The following FGF14 variants were observed in gnomAD, a reference collection of about 807,000 sequenced individuals.
The protein encoded by FGF14 is fibroblast growth factor 14, also known as fibroblast growth factor homologous factor 4.
Under a neutral mutation model 25.5 loss-of-function variants are expected in FGF14, and 5 were observed. The ratio of observed to expected loss-of-function variants is 0.20; its 90% CI spans 0.10 to 0.41. The LOEUF (loss-of-function observed/expected upper bound fraction) is 0.41, where lower values mean the gene tolerates loss of function less well. FGF14 is among the 10% of genes least tolerant of loss of function. The pLI is 1.00. For missense variants in FGF14, 222 were observed against 320.1 expected (o/e 0.69, Z 2.34); for synonymous variants, 138 against 118.3 (o/e 1.17, Z -1.08).
intron 3 of FGF14, among the ~76,000 whole-genome samples, chr13:101,737,985 G>T (rs945374015): frequency 6.6e-6 from 1 of 152,004 alleles, no homozygotes; most frequent in Non-Finnish European, 1.5e-5. Context: ...TAGAAAAATG[G>T]AGGAAATATA....
At chr13:102,036,014 G>A (rs537963287) in intron 1 of FGF14, among the ~76,000 whole-genome samples, 1 of 152,222 alleles carries the variant, frequency 6.6e-6, no homozygotes, top group South Asian at 2.1e-4. Flanking sequence ...TTTTTAACAG[G>A]AGCAAAAGAG....
Position 102,143,135 on chromosome 13 carries a change from G to T in FGF14, c.208+258336C>A, listed in dbSNP as rs188067124. Reference sequence around the variant, plus strand: ...ATACCCACTTATCCTCCCAGTGATGGTCATGCATGTAGCAATAAGAATCCT... The same window carrying T: ...ATACCCACTTATCCTCCCAGTGATGTTCATGCATGTAGCAATAAGAATCCT... On this transcript the variant is annotated intron_variant, in intron 1 of 4. Transcript: ENST00000376131. Among the ~76,000 whole-genome samples, 16 of 152,254 alleles carry T rather than the reference G, an allele frequency of 1.1e-4. No homozygotes were observed. In the East Asian group the frequency reaches 3.1e-3, roughly 29 times the overall value.
chr13:101,850,940 G>A (rs931848234), intron 3 of FGF14, among the ~76,000 whole-genome samples: 6 of 151,800 alleles, frequency 4.0e-5, no homozygotes, highest in Admixed American at 3.3e-4. Context: ...TATCATTTAT[G>A]AGGGATAGGA....
At chr13:101,761,297 G>GA (rs2038011078) in intron 3 of FGF14, among the ~76,000 whole-genome samples, 1 of 152,156 alleles carries the variant, frequency 6.6e-6, no homozygotes. Flanking sequence ...TAAAAATGAG[G>GA]AAAAATGAGA....
intron 1 of FGF14, among the ~76,000 whole-genome samples, chr13:102,047,393 A>G (rs973969482): frequency 6.6e-6 from 1 of 152,108 alleles, no homozygotes; most frequent in Non-Finnish European, 1.5e-5. Context: ...ATTTAGCTAT[A>G]CCTTTAAAAA....
intron 1 of FGF14, among the ~76,000 whole-genome samples, chr13:102,396,605 G>A (rs1002679912): frequency 3.3e-5 from 5 of 152,220 alleles, no homozygotes; most frequent in Non-Finnish European, 7.3e-5. Flanking sequence ...TAGGAAACGT[G>A]AAGTATAGTA....
At chr13:101,875,410 T>G in intron 1 of FGF14, 114 bp from the exon 2 acceptor site, 1 of 746,686 alleles carries the variant, frequency 1.3e-6, no homozygotes, top group Non-Finnish European at 2.4e-6. Flanking sequence ...AGTAGCATAT[T>G]TTATTTTGTC....
In FGF14 at chr13:102,300,535, A is replaced by G. The variant is rs1357445582; in HGVS notation, c.208+100936T>C. Among the ~76,000 whole-genome samples the G allele has an allele frequency of 2.6e-5, 4 of 152,256 alleles. 1 individual carries two copies. On this transcript the variant is annotated intron_variant, in intron 1 of 4. Transcript: ENST00000376131. ...AGTTGCTCAAGAGCAAAACTTCTACATAATCTTCTATAACCCTTTCTCCCT... is the reference window on the plus strand; with the variant it reads ...AGTTGCTCAAGAGCAAAACTTCTACGTAATCTTCTATAACCCTTTCTCCCT...
At chr13:102,266,875 CAT>C (rs1229445661) in intron 1 of FGF14, among the ~76,000 whole-genome samples, 2 of 151,962 alleles carry the variant, frequency 1.3e-5, no homozygotes, top group African/African-American at 2.4e-5. Context: ...AAGGAATAAA[CAT>C]ATAAACTCAC....
intron 1 of FGF14, among the ~76,000 whole-genome samples, chr13:102,088,883 C>T (rs908188153): frequency 6.6e-6 from 1 of 151,986 alleles, no homozygotes; most frequent in Non-Finnish European, 1.5e-5. Flanking sequence ...TGAAAGTTAC[C>T]GTATAAAGTA....
At chr13:101,763,324 T>C (rs72660326) in intron 3 of FGF14, among the ~76,000 whole-genome samples, 34 of 152,310 alleles carry the variant, frequency 2.2e-4, no homozygotes, top group African/African-American at 7.2e-4. Flanking sequence ...TGGCATAAGA[T>C]TGGTTGTCTC....
intron 1 of FGF14, among the ~76,000 whole-genome samples, chr13:101,990,627 G>C (rs1470350889): frequency 6.6e-6 from 1 of 152,110 alleles, no homozygotes; most frequent in Non-Finnish European, 1.5e-5. Context: ...CACTGCATCA[G>C]TATGGGGCTT....
At chr13:102,081,642 T>C (rs2043628219) in intron 1 of FGF14, among the ~76,000 whole-genome samples, 1 of 152,206 alleles carries the variant, frequency 6.6e-6, no homozygotes, top group South Asian at 2.1e-4. Flanking sequence ...TCCTCTGACA[T>C]TTTACGAGTT....
chr13:101,881,563 A>C (rs1456924688), intron 1 of FGF14, among the ~76,000 whole-genome samples: 12 of 152,212 alleles, frequency 7.9e-5, no homozygotes, highest in African/African-American at 2.7e-4. Context: ...ATTCTTGTGC[A>C]TATTTAAGTA....
chr13:101,794,729 C>A (rs1404981898), intron 3 of FGF14, among the ~76,000 whole-genome samples: 6 of 152,064 alleles, frequency 3.9e-5, no homozygotes, highest in Admixed American at 2.0e-4. Context: ...CCATCTCTAG[C>A]AATTTAATAC....
intron 1 of FGF14, among the ~76,000 whole-genome samples, chr13:102,096,452 T>C (rs901646647): frequency 1.1e-4 from 17 of 152,222 alleles, no homozygotes; most frequent in African/African-American, 4.1e-4. Context: ...ACACCACTAA[T>C]TTGGATAATG....
At chr13:101,945,805 TGGAA>T (rs1276596238) in intron 1 of FGF14, among the ~76,000 whole-genome samples, 1 of 152,156 alleles carries the variant, frequency 6.6e-6, no homozygotes, top group Non-Finnish European at 1.5e-5. Context: ...GGGGAGGAAA[TGGAA>T]GGATGCAGTG....
intron 1 of FGF14, among the ~76,000 whole-genome samples, chr13:102,026,089 T>G (rs965573885): frequency 1.3e-5 from 2 of 152,012 alleles, no homozygotes; most frequent in Non-Finnish European, 2.9e-5. Flanking sequence ...TGCTTTTTTT[T>G]GGTAGATGTC....
intron 3 of FGF14, among the ~76,000 whole-genome samples, chr13:101,836,907 C>A (rs2042951440): frequency 6.6e-6 from 1 of 151,890 alleles, no homozygotes; most frequent in Non-Finnish European, 1.5e-5. Context: ...ATAAATAGTT[C>A]ATGTTTATAG....
Sources: allele counts gnomAD v4.1 joint callset (sites outside exome capture counted in the v4.1 genomes callset), GRCh38; gene constraint gnomAD v4.1.1; transcripts MANE v1.5; gene names NCBI Gene and HGNC (gene_info 2026-07-23, HGNC 2026-07-21).